SLC35F1: variants seen among roughly 807,000 people sequenced by gnomAD.
The protein encoded by SLC35F1 is chromosome 6 open reading frame 169.
In SLC35F1, 14 loss-of-function variants were observed where a neutral mutation model predicts 48.7. The observed-to-expected ratio is 0.29, with a 90% CI of 0.19 to 0.45. SLC35F1 has a LOEUF of 0.45. Among genes scored for constraint, SLC35F1 ranks in the 20% least tolerant of loss-of-function variants. The probability of loss-of-function intolerance (pLI) is 1.00; values close to 1 mark genes in which losing one functional copy is unlikely to be tolerated. For synonymous variants in SLC35F1, 190 were observed against 202.2 expected (o/e 0.94, Z 0.51); for missense variants, 404 against 500.0 (o/e 0.81, Z 1.83).
At chr6:118,242,321 G>A (rs149393821) in intron 3 of SLC35F1, among the ~76,000 whole-genome samples, 3 of 152,330 alleles carry the variant, frequency 2.0e-5, no homozygotes, top group East Asian at 3.9e-4. Flanking sequence ...AGAATGGCTA[G>A]TAATGTTGAA....
intron 7 of SLC35F1, among the ~76,000 whole-genome samples, chr6:118,288,070 A>G (rs1049774382): frequency 1.3e-5 from 2 of 151,880 alleles, no homozygotes; most frequent in African/African-American, 4.8e-5. Flanking sequence ...TTGAAAGATA[A>G]ATTTTCTTAA....
At chr6:118,000,841 C>A (rs1324303943) in intron 1 of SLC35F1, among the ~76,000 whole-genome samples, 1 of 152,158 alleles carries the variant, frequency 6.6e-6, no homozygotes, top group East Asian at 1.9e-4. Flanking sequence ...AGTGAACTCC[C>A]ATTCACAATT....
At chr6:118,175,720 A>G (rs1464535340) in intron 2 of SLC35F1, among the ~76,000 whole-genome samples, 1 of 152,126 alleles carries the variant, frequency 6.6e-6, no homozygotes, top group East Asian at 1.9e-4. Context: ...TTTAAAAGTT[A>G]ACATTTTTCT....
At chr6:118,274,496 T>C (rs980565430) in intron 4 of SLC35F1, among the ~76,000 whole-genome samples, 1 of 152,122 alleles carries the variant, frequency 6.6e-6, no homozygotes, top group African/African-American at 2.4e-5. Context: ...TCCCGGGTTC[T>C]GAGGGATTCT....
rs1011098964 is a variant in SLC35F1, at chr6:117,940,991, T to C, written c.173+33092T>C. Among the ~76,000 whole-genome samples the C allele has an allele frequency of 1.3e-4, 20 of 152,120 alleles. 1 individual carries two copies. The highest frequency in any genetic ancestry group is 2.1e-4 in the Non-Finnish European group (14 of 68,014). ...AGATTATTTCACACATCTGAAAACT[T>C]CTCTTCAAAATACAAAATGGCAACT... On this transcript the variant is annotated intron_variant, in intron 1 of 7. Transcript: ENST00000360388.
At chr6:118,049,875 A>G (rs1254455960) in intron 1 of SLC35F1, among the ~76,000 whole-genome samples, 1 of 152,098 alleles carries the variant, frequency 6.6e-6, no homozygotes, top group Non-Finnish European at 1.5e-5. Flanking sequence ...GTATATACCC[A>G]AAGGATTATA....
chr6:118,021,669 C>T (rs935823728), intron 1 of SLC35F1, among the ~76,000 whole-genome samples: 1 of 152,202 alleles, frequency 6.6e-6, no homozygotes, highest in Non-Finnish European at 1.5e-5. Flanking sequence ...ACACACAATT[C>T]TGTTGTCCCA....
intron 1 of SLC35F1, among the ~76,000 whole-genome samples, chr6:118,045,587 C>G (rs915467985): frequency 6.6e-6 from 1 of 152,184 alleles, no homozygotes; most frequent in African/African-American, 2.4e-5. Flanking sequence ...CATAAAAGCC[C>G]TCGCAACTGA....
intron 1 of SLC35F1, among the ~76,000 whole-genome samples, chr6:117,923,136 A>C (rs1052127891): frequency 6.6e-6 from 1 of 152,194 alleles, no homozygotes; most frequent in Non-Finnish European, 1.5e-5. Flanking sequence ...AAATCCCTGC[A>C]AACTCTTAAA....
At chr6:118,189,312 G>A (rs565634487) in intron 2 of SLC35F1, among the ~76,000 whole-genome samples, 2 of 152,210 alleles carry the variant, frequency 1.3e-5, no homozygotes, top group African/African-American at 4.8e-5. Context: ...ATTCTAACAG[G>A]TGTGAGTAAT....
intron 3 of SLC35F1, 37 bp downstream of exon 3, chr6:118,235,673 A>G (rs1179607141): frequency 1.3e-6 from 2 of 1,597,632 alleles, no homozygotes; most frequent in Admixed American, 1.8e-5. Context: ...AACTTCCTCT[A>G]TCCAGATGTA....
chr6:118,286,184 C>T (rs1038468653), intron 7 of SLC35F1, among the ~76,000 whole-genome samples: 4 of 152,100 alleles, frequency 2.6e-5, no homozygotes, highest in African/African-American at 9.7e-5. Flanking sequence ...CAGATAAGAC[C>T]AAACTTGGAT....
At chr6:117,950,652 T>C (rs533269395) in intron 1 of SLC35F1, among the ~76,000 whole-genome samples, 2 of 152,302 alleles carry the variant, frequency 1.3e-5, no homozygotes, top group South Asian at 2.1e-4. Flanking sequence ...TTGGCACACA[T>C]AGCCACAGAT....
intron 1 of SLC35F1, among the ~76,000 whole-genome samples, chr6:118,024,287 A>C (rs1182562675): frequency 6.6e-6 from 1 of 152,180 alleles, no homozygotes; most frequent in Non-Finnish European, 1.5e-5. Flanking sequence ...AACAAACAAA[A>C]AAATCCTTTC....
chr6:118,119,649 G>C (rs949486766), intron 1 of SLC35F1, among the ~76,000 whole-genome samples: 9 of 151,788 alleles, frequency 5.9e-5, no homozygotes, highest in Non-Finnish European at 1.3e-4. Flanking sequence ...GATTACAGGG[G>C]CCCACCACCA....
At chr6:117,970,559 T>A (rs9401039) in intron 1 of SLC35F1, among the ~76,000 whole-genome samples, 56,431 of 152,072 alleles carry the variant, frequency 0.37, 11,030 homozygotes, top group South Asian at 0.52. Flanking sequence ...AGAGCCACTG[T>A]ATTAGTCAAT....
chr6:118,252,321 A>G (rs1464669126), intron 3 of SLC35F1, among the ~76,000 whole-genome samples: 1 of 152,084 alleles, frequency 6.6e-6, no homozygotes, highest in Non-Finnish European at 1.5e-5. Context: ...AGGTGGTTTG[A>G]TGCATTCAGT....
chr6:117,924,866 A>G (rs1386950776), intron 1 of SLC35F1, among the ~76,000 whole-genome samples: 1 of 152,154 alleles, frequency 6.6e-6, no homozygotes, highest in Admixed American at 6.6e-5. Flanking sequence ...AGCAGTTTCT[A>G]TAGCTGCTGT....
At chr6:118,293,328 C>T (rs1003620593) in intron 7 of SLC35F1, among the ~76,000 whole-genome samples, 2 of 152,116 alleles carry the variant, frequency 1.3e-5, no homozygotes, top group African/African-American at 4.8e-5. Flanking sequence ...CATTTCCTTA[C>T]CGTTTCCAGC....
Sources: gnomAD v4.1 joint callset for allele counts (sites outside exome capture counted in the v4.1 genomes callset) on GRCh38, gnomAD v4.1.1 for gene constraint, MANE v1.5 for transcripts, NCBI Gene and HGNC (gene_info 2026-07-23, HGNC 2026-07-21) for gene names.